Variants in GSE1 observed in about 807,000 individuals in gnomAD.
The protein encoded by GSE1 is genetic suppressor element 1.
GSE1 carries 32 observed loss-of-function variants against 112.6 expected under a neutral mutation model. The observed-to-expected ratio is 0.28, with a 90% confidence interval of 0.21 to 0.38. The LOEUF is 0.38. Among genes scored for constraint, GSE1 ranks in the 10% least tolerant of loss-of-function variants. The pLI, the probability that GSE1 is intolerant of heterozygous loss-of-function variation, is 1.00. For synonymous variants in GSE1, 1,115 were observed against 735.6 expected, an observed-to-expected ratio of 1.52 and a Z score of -8.35; for missense variants, 2,348 against 1,699.2, an observed-to-expected ratio of 1.38 and a Z score of -6.71.
intron 2 of GSE1, among the ~76,000 whole-genome samples, chr16:85,357,805 A>G (rs1280223750): frequency 6.6e-6 from 1 of 151,344 alleles, no homozygotes; most frequent in African/African-American, 2.4e-5. Flanking sequence ...TGGAGTTTGG[A>G]TTTTCTCTTC....
chr16:85,387,764 A>G (rs2047719502), intron 2 of GSE1, among the ~76,000 whole-genome samples: 1 of 152,260 alleles, frequency 6.6e-6, no homozygotes, highest in South Asian at 2.1e-4. Flanking sequence ...CATTAGTGAT[A>G]GTGCTTTGGT....
intron 2 of GSE1, among the ~76,000 whole-genome samples, chr16:85,431,216 C>T (rs2151760553): frequency 6.6e-6 from 1 of 152,298 alleles, no homozygotes; most frequent in East Asian, 1.9e-4. Flanking sequence ...GCGCAGGAGC[C>T]AGAGACCCAA....
intron 2 of GSE1, among the ~76,000 whole-genome samples, chr16:85,512,123 C>T (rs989528412): frequency 6.6e-6 from 1 of 152,178 alleles, no homozygotes; most frequent in African/African-American, 2.4e-5. Flanking sequence ...GAGCACTGTT[C>T]TGCGAGTCCA....
At chr16:85,295,396 C>A (rs1282523984) in intron 1 of GSE1, among the ~76,000 whole-genome samples, 1 of 152,270 alleles carries the variant, frequency 6.6e-6, no homozygotes, top group African/African-American at 2.4e-5. Context: ...CGGGTCAGCA[C>A]ATCAGCCCTT....
intron 1 of GSE1, among the ~76,000 whole-genome samples, chr16:85,628,736 G>A (rs919763905): frequency 5.9e-5 from 9 of 152,216 alleles, no homozygotes; most frequent in Non-Finnish European, 2.9e-5. Context: ...AGAAAAATTA[G>A]AACATACAGA....
chr16:85,248,470 C>G (rs1474120797), intron 1 of GSE1, among the ~76,000 whole-genome samples: 1 of 151,884 alleles, frequency 6.6e-6, no homozygotes, highest in African/African-American at 2.4e-5. Flanking sequence ...CCTCCTTTTT[C>G]CCTCCGTCTT....
intron 1 of GSE1, among the ~76,000 whole-genome samples, chr16:85,623,318 G>A (rs1377026768): frequency 2.0e-5 from 3 of 151,214 alleles, no homozygotes; most frequent in East Asian, 1.9e-4. Flanking sequence ...GGGCTCAAGC[G>A]ATCCCCCACC....
At chr16:85,399,566 C>T (rs535999557) in intron 2 of GSE1, among the ~76,000 whole-genome samples, 5 of 152,282 alleles carry the variant, frequency 3.3e-5, no homozygotes, top group African/African-American at 4.8e-5. Context: ...CTGGGTAAAC[C>T]GACCAGTTTC....
chr16:85,518,776 C>A (rs1274128635), intron 2 of GSE1, among the ~76,000 whole-genome samples: 2 of 152,052 alleles, frequency 1.3e-5, no homozygotes, highest in Non-Finnish European at 2.9e-5. Flanking sequence ...TTTAGCACCC[C>A]TGTGGTATAA....
intron 1 of GSE1, among the ~76,000 whole-genome samples, chr16:85,232,095 T>G (rs1904292990): frequency 6.6e-6 from 1 of 152,212 alleles, no homozygotes; most frequent in African/African-American, 2.4e-5. Context: ...AGCAAAAGCC[T>G]TCCTGGCAGG....
chr16:85,646,101 C>T (rs1228065368), intron 2 of GSE1, among the ~76,000 whole-genome samples: 1 of 121,202 alleles, frequency 8.3e-6, no homozygotes, highest in Non-Finnish European at 1.7e-5. Flanking sequence ...GCTTCCTATG[C>T]ATGCATTCTA....
intron 2 of GSE1, among the ~76,000 whole-genome samples, chr16:85,514,291 A>G (rs73267250): frequency 0.049 from 7,308 of 148,680 alleles, 396 homozygotes; most frequent in African/African-American, 0.13. Flanking sequence ...TTCAGGGGAG[A>G]AGGGCCAGGA....
At chr16:85,570,843 G>A (rs963689083) in intron 1 of GSE1, among the ~76,000 whole-genome samples, 1 of 152,226 alleles carries the variant, frequency 6.6e-6, no homozygotes, top group Non-Finnish European at 1.5e-5. Flanking sequence ...GGAGGAGGCA[G>A]GAGCTCAGCC....
chr16:85,666,820 T>C (rs1207343105), intron 13 of GSE1, among the ~76,000 whole-genome samples: 1 of 152,268 alleles, frequency 6.6e-6, no homozygotes, highest in Non-Finnish European at 1.5e-5. Context: ...ACCAGCCCTC[T>C]GGATCCGTGG....
intron 1 of GSE1, among the ~76,000 whole-genome samples, chr16:85,623,459 T>TC (rs1348078005): frequency 6.6e-6 from 1 of 152,190 alleles, no homozygotes; most frequent in African/African-American, 2.4e-5. Flanking sequence ...GCCCTGGAAG[T>TC]CCGCACTGAG....
intron 2 of GSE1, among the ~76,000 whole-genome samples, chr16:85,436,887 G>A (rs1567485784): frequency 6.6e-6 from 1 of 152,202 alleles, no homozygotes; most frequent in Non-Finnish European, 1.5e-5. Flanking sequence ...GGCGGCCCGG[G>A]ACTGTGGGGG....
At chr16:85,651,295 G>A (rs532847902) in intron 3 of GSE1, among the ~76,000 whole-genome samples, 24 of 151,934 alleles carry the variant, frequency 1.6e-4, no homozygotes, top group South Asian at 6.2e-4. Context: ...TCCAGGCCCC[G>A]CTGACCTAGT....
intron 2 of GSE1, among the ~76,000 whole-genome samples, chr16:85,503,694 C>T (rs539981285): frequency 2.0e-5 from 3 of 152,084 alleles, no homozygotes; most frequent in Non-Finnish European, 4.4e-5. Flanking sequence ...AAGTGTCACC[C>T]GAGGGAGAAA....
chr16:85,250,406 G>A (rs1163102700), intron 1 of GSE1, among the ~76,000 whole-genome samples: 1 of 152,182 alleles, frequency 6.6e-6, no homozygotes, highest in South Asian at 2.1e-4. Flanking sequence ...GGCTGGCCCC[G>A]CCCCAGCTGG....
Sources: allele counts gnomAD v4.1 joint callset (sites outside exome capture counted in the v4.1 genomes callset), GRCh38; gene constraint gnomAD v4.1.1; transcripts MANE v1.5; gene names NCBI Gene and HGNC (gene_info 2026-07-23, HGNC 2026-07-21).